Variants in SPTLC1 observed in about 807,000 individuals in gnomAD.
SPTLC1 encodes serine palmitoyltransferase long chain base subunit 1.
A neutral mutation model predicts 68.9 loss-of-function variants in SPTLC1; 55 were observed. The ratio of observed to expected loss-of-function variants is 0.80; its 90% confidence interval spans 0.64 to 1.00. The LOEUF (loss-of-function observed/expected upper bound fraction) is 1.00, where lower values mean the gene tolerates loss of function less well. Among genes scored for constraint, SPTLC1 ranks in the 50% least tolerant of loss-of-function variants. The probability of loss-of-function intolerance (pLI) is 0.00; values close to 1 mark genes in which losing one functional copy is unlikely to be tolerated. For missense variants in SPTLC1, 449 were observed against 573.1 expected (o/e 0.78, Z 2.21); for synonymous variants, 197 against 201.6 (o/e 0.98, Z 0.19).
chr9:92,051,095 CT>C, intron 8 of SPTLC1: 1 of 985,032 alleles, frequency 1.0e-6, no homozygotes, highest in Non-Finnish European at 1.2e-6. Flanking sequence ...TTCTGGTTCA[CT>C]ACCTCCCTCC....
rs71362367 is a variant in SPTLC1, at chr9:92,045,524, T to TAAAAA, written c.1136+470_1136+474dup. 1.7e-3 allele frequency among the ~76,000 whole-genome samples: 53 copies of TAAAAA among 31,610 alleles called. 2 individuals carry two copies. Among genetic ancestry groups the TAAAAA allele is most frequent in the African/African-American group, 4.5e-3 (40 of 8,950 alleles). 20.7% of individuals were successfully genotyped at this position (31,610 alleles called of 152,430 possible). A position where few individuals can be genotyped will look rare whatever the true frequency, so the allele number is the denominator to read the frequency against. ...AAAAAAAAAAGTGACTCTTGTGTAG[T>TAAAAA]AAAAAAAAAAAAAAAAAAAAAAAAA... On this transcript the variant is annotated intron_variant, in intron 12 of 14. Coordinates refer to ENST00000262554, the MANE Select transcript of SPTLC1 (RefSeq NM_006415.4).
chr9:92,104,697 T>C (rs1453704113), intron 3 of SPTLC1: 77 of 1,527,754 alleles, frequency 5.0e-5, no homozygotes, highest in Non-Finnish European at 6.4e-5. Context: ...AAAGACCAGG[T>C]AGAGACCCAG....
chr9:92,082,130 G>C (rs369908151), intron 3 of SPTLC1, among the ~76,000 whole-genome samples: 17 of 152,234 alleles, frequency 1.1e-4, no homozygotes, highest in African/African-American at 4.1e-4. Context: ...GTAGGGGAGA[G>C]TCTACCTCTC....
chr9:92,052,680 C>T (rs1833747749), intron 8 of SPTLC1, among the ~76,000 whole-genome samples: 2 of 151,878 alleles, frequency 1.3e-5, no homozygotes, highest in Admixed American at 6.6e-5. Context: ...CAGGCGTGTA[C>T]CACCACACCC....
rs1835853336 is a variant in SPTLC1 at position 92,103,874 on chromosome 9, T to C, written c.260+4866A>G. Among the ~76,000 whole-genome samples the C allele has an allele frequency of 2.0e-5, 3 of 152,250 alleles. No homozygotes were observed. The South Asian group carries it at 6.2e-4, about 32-fold the overall frequency. ...CAGCACCTGGGCCAGGCGCCATGGCTCTGGCGGATCAGCCCCGCACCCCCA... is the reference window on the plus strand; with the variant it reads ...CAGCACCTGGGCCAGGCGCCATGGCCCTGGCGGATCAGCCCCGCACCCCCA... On this transcript the variant is annotated intron_variant, in intron 3 of 14. Coordinates refer to ENST00000262554, the MANE Select transcript of SPTLC1 (RefSeq NM_006415.4).
chr9:92,047,169 T>G lies in SPTLC1; in HGVS notation c.1081+3A>C, dbSNP rs2118447428. The G allele has an allele frequency of 6.2e-7, 1 of 1,611,096 alleles. No homozygotes were observed. The highest frequency in any genetic ancestry group is 8.5e-7 in the Non-Finnish European group (1 of 1,177,188). On this transcript the variant is annotated splice_donor_region_variant and intron_variant, in intron 11 of 14. Coordinates refer to ENST00000262554, the MANE Select transcript of SPTLC1 (RefSeq NM_006415.4). ...GATTCCTTGGGTTTTTAAAGGGTTA[T>G]ACCTGGATTCTCTTCCATGATGTTG... is the stretch of plus-strand genomic sequence containing the variant.
intron 13 of SPTLC1, among the ~76,000 whole-genome samples, chr9:92,035,411 C>T (rs1233461175): frequency 1.3e-5 from 2 of 152,110 alleles, no homozygotes; most frequent in African/African-American, 4.8e-5. Context: ...CAGAATCTGG[C>T]GTTAACAAAG....
intron 2 of SPTLC1, chr9:92,111,320 G>A (rs1836235150): frequency 6.6e-6 from 1 of 152,136 alleles, no homozygotes; most frequent in Non-Finnish European, 1.5e-5. Flanking sequence ...ACACTAGTAG[G>A]ATCCCTTCCC....
rs575742704 is a variant in SPTLC1, at chr9:92,033,546, GA to G, written c.1329-989del. The stretch of plus-strand genomic sequence containing the variant: ...CGGTCTTACTAACAAGTAAACGTAG[GA>G]TGTAGGATTACACCTTTGGATGAGT... On this transcript the variant is annotated intron_variant, in intron 14 of 14. Coordinates refer to ENST00000262554, the MANE Select transcript of SPTLC1 (RefSeq NM_006415.4). Among the ~76,000 whole-genome samples, 179 of 152,288 alleles carry G rather than the reference GA, an allele frequency of 1.2e-3. 2 individuals are homozygous for G. The highest frequency in any genetic ancestry group is 9.9e-3 in the South Asian group (48 of 4,828).
intron 2 of SPTLC1, 30 bp from the exon 3 acceptor site, chr9:92,108,864 G>A: frequency 3.8e-6 from 6 of 1,572,300 alleles, no homozygotes; most frequent in East Asian, 2.2e-5. Flanking sequence ...AAAATACAGT[G>A]CAGTGCTAAT....
intron 5 of SPTLC1, chr9:92,079,416 A>G: frequency 1.9e-6 from 3 of 1,563,438 alleles, no homozygotes; most frequent in Non-Finnish European, 2.6e-6. Flanking sequence ...CAAAGAATAT[A>G]CACTTAATAA....
At chr9:92,045,969 T>G in intron 12 of SPTLC1, 30 bp downstream of exon 12, 1 of 1,599,220 alleles carries the variant, frequency 6.3e-7, no homozygotes, top group Non-Finnish European at 8.6e-7. Flanking sequence ...CAGATAAACT[T>G]TATGTTGGTT....
chr9:92,066,706 T>C (rs954226783), intron 6 of SPTLC1, among the ~76,000 whole-genome samples: 84 of 152,334 alleles, frequency 5.5e-4, no homozygotes, highest in African/African-American at 2.0e-3. Flanking sequence ...AAAAGATTAC[T>C]CTGGCTGTGA....
At chr9:92,081,027 T>C in intron 3 of SPTLC1, 64 bp from the exon 4 acceptor site, 1 of 1,259,966 alleles carries the variant, frequency 7.9e-7, no homozygotes, top group African/African-American at 1.5e-5. Flanking sequence ...TCATATTACC[T>C]TGGTGGTAGG....
chr9:92,114,864 T>G, intron 1 of SPTLC1: 1 of 182,498 alleles, frequency 5.5e-6, no homozygotes, highest in South Asian at 1.0e-4. Flanking sequence ...TCACTTGATT[T>G]CTTTTCGACA....
chr9:92,063,231 C>T (rs1834163856), intron 6 of SPTLC1, among the ~76,000 whole-genome samples: 1 of 152,030 alleles, frequency 6.6e-6, no homozygotes, highest in African/African-American at 2.4e-5. Flanking sequence ...ACGGGAATAC[C>T]ATGAACAGCA....
chr9:92,101,937 A>G (rs1446617515), intron 3 of SPTLC1, among the ~76,000 whole-genome samples: 1 of 152,076 alleles, frequency 6.6e-6, no homozygotes, highest in Non-Finnish European at 1.5e-5. Context: ...AGTTCCGTGA[A>G]GCTTAAAGGG....
chr9:92,045,524 T>TAAAAAAA (rs71362367), intron 12 of SPTLC1, among the ~76,000 whole-genome samples: 19 of 31,610 alleles, frequency 6.0e-4, no homozygotes, highest in African/African-American at 1.2e-3. Context: ...TCTTGTGTAG[T>TAAAAAAA]AAAAAAAAAA....
At chr9:92,087,216 A>T (rs947854349) in intron 3 of SPTLC1, among the ~76,000 whole-genome samples, 3 of 152,146 alleles carry the variant, frequency 2.0e-5, no homozygotes, top group Non-Finnish European at 4.4e-5. Flanking sequence ...GAGTAGTTTG[A>T]TCGTCTGAAG....
Sources: allele counts gnomAD v4.1 joint callset (sites outside exome capture counted in the v4.1 genomes callset), GRCh38; gene constraint gnomAD v4.1.1; transcripts MANE v1.5; gene names NCBI Gene and HGNC (gene_info 2026-07-23, HGNC 2026-07-21).